SRD5A2: variants seen among roughly 807,000 people sequenced by gnomAD.
SRD5A2 encodes 3-oxo-5-alpha-steroid 4-dehydrogenase 2.
In SRD5A2, 30 loss-of-function variants were observed where a neutral mutation model predicts 27.4. The observed-to-expected ratio is 1.10, with a 90% CI of 0.82 to 1.49. The LOEUF (loss-of-function observed/expected upper bound fraction) is 1.49. Ranked by LOEUF, SRD5A2 falls within the 40% of genes most tolerant of loss-of-function variation. The probability of loss-of-function intolerance (pLI) is 0.00; values close to 1 mark genes in which losing one functional copy is unlikely to be tolerated. For synonymous variants in SRD5A2, 141 were observed against 133.6 expected (o/e 1.06, Z -0.38); for missense variants, 348 against 323.4 (o/e 1.08, Z -0.58).
chr2:31,635,166 C>T, the SRD5A2 span, among the ~76,000 whole-genome samples: 15 of 152,196 alleles, frequency 9.9e-5, no homozygotes, highest in African/African-American at 2.9e-4. Flanking sequence ...TATGAGGGTT[C>T]CCCTTTCCCC....
At chr2:31,620,902 C>T in the SRD5A2 span, among the ~76,000 whole-genome samples, 1 of 146,102 alleles carries the variant, frequency 6.8e-6, no homozygotes, top group Non-Finnish European at 1.5e-5. Context: ...ATTATATTTG[C>T]TATCTGACCC....
At chr2:31,651,935 T>G in the SRD5A2 span, 2 of 152,672 alleles carry the variant, frequency 1.3e-5, no homozygotes, top group East Asian at 1.9e-4. Flanking sequence ...ATCTAAAGTC[T>G]GCCCTAGCCA....
At chr2:31,618,366 A>G in the SRD5A2 span, among the ~76,000 whole-genome samples, 4 of 152,174 alleles carry the variant, frequency 2.6e-5, no homozygotes, top group South Asian at 8.3e-4. Context: ...TATGTTGAAG[A>G]GGTATCTGCA....
the SRD5A2 span, among the ~76,000 whole-genome samples, chr2:31,624,569 C>T: frequency 6.6e-6 from 1 of 152,020 alleles, no homozygotes; most frequent in Admixed American, 6.6e-5. Flanking sequence ...TAAGTGTTCT[C>T]ATTGTTCAAT....
intron 1 of SRD5A2, among the ~76,000 whole-genome samples, chr2:31,550,498 A>T (rs1666362106): frequency 6.6e-6 from 1 of 152,034 alleles, no homozygotes; most frequent in Admixed American, 6.5e-5. Context: ...ATGCAAAAAC[A>T]TTTAACAAAC....
chr2:31,531,529 C>A (rs1450624764), intron 2 of SRD5A2, 57 bp from the exon 3 acceptor site: 3 of 1,004,504 alleles, frequency 3.0e-6, no homozygotes, highest in South Asian at 3.0e-5. Flanking sequence ...GATTGTGGTG[C>A]TTTTTTCACA....
At chr2:31,529,520 C>T in intron 3 of SRD5A2, 63 bp from the exon 4 acceptor site, 1 of 1,573,434 alleles carries the variant, frequency 6.4e-7, no homozygotes, top group Non-Finnish European at 8.6e-7. Context: ...TTAAACCCAT[C>T]TGTGTTGTTC....
the SRD5A2 span, among the ~76,000 whole-genome samples, chr2:31,586,591 A>T: frequency 6.6e-6 from 1 of 152,222 alleles, no homozygotes; most frequent in African/African-American, 2.4e-5. Flanking sequence ...AAAGAAAATA[A>T]GAGTATCTGC....
chr2:31,594,463 T>C, the SRD5A2 span, among the ~76,000 whole-genome samples: 1 of 152,134 alleles, frequency 6.6e-6, no homozygotes, highest in Admixed American at 6.6e-5. Context: ...AAGAAGGATG[T>C]TATATAATGA....
the SRD5A2 span, among the ~76,000 whole-genome samples, chr2:31,638,519 G>A: frequency 2.0e-5 from 3 of 151,950 alleles, no homozygotes; most frequent in Non-Finnish European, 4.4e-5. Flanking sequence ...TAACAGTGGG[G>A]TGTTAAAGTC....
chr2:31,541,303 A>C (rs149112722), intron 1 of SRD5A2, among the ~76,000 whole-genome samples: 1 of 152,180 alleles, frequency 6.6e-6, no homozygotes, highest in African/African-American at 2.4e-5. Context: ...TCTGCATCCC[A>C]GAGTTACCAC....
chr2:31,607,358 A>G, the SRD5A2 span, among the ~76,000 whole-genome samples: 1 of 152,020 alleles, frequency 6.6e-6, no homozygotes, highest in African/African-American at 2.4e-5. Context: ...ATATTTAAAT[A>G]TGGAAGGGTG....
intron 1 of SRD5A2, among the ~76,000 whole-genome samples, chr2:31,568,677 C>A (rs1666787250): frequency 6.6e-6 from 1 of 152,212 alleles, no homozygotes; most frequent in South Asian, 2.1e-4. Context: ...CCGAGACCTG[C>A]CCCTTTCCAC....
chr2:31,636,001 T>C, the SRD5A2 span, among the ~76,000 whole-genome samples: 1 of 152,124 alleles, frequency 6.6e-6, no homozygotes, highest in Non-Finnish European at 1.5e-5. Flanking sequence ...TTGCTGTTTT[T>C]GCTCAGGACT....
At chr2:31,610,747 C>A in the SRD5A2 span, among the ~76,000 whole-genome samples, 5 of 152,064 alleles carry the variant, frequency 3.3e-5, no homozygotes, top group East Asian at 9.6e-4. Context: ...TCTAAAGATT[C>A]CCCCAAAAAC....
intron 3 of SRD5A2, 138 bp downstream of exon 3, chr2:31,531,233 G>T: frequency 3.3e-6 from 2 of 614,422 alleles, no homozygotes; most frequent in Non-Finnish European, 2.9e-6. Context: ...GACTGGGTTT[G>T]CAGGGGAAGT....
the SRD5A2 span, among the ~76,000 whole-genome samples, chr2:31,627,843 A>G: frequency 2.6e-5 from 4 of 152,086 alleles, no homozygotes; most frequent in Middle Eastern, 0.01. Flanking sequence ...TATGGTAAGT[A>G]TGATTTTTTT....
At chr2:31,526,390 C>T (rs763838701) in intron 4 of SRD5A2, 128 bp from the exon 5 acceptor site, 54 of 656,626 alleles carry the variant, frequency 8.2e-5, no homozygotes, top group Non-Finnish European at 1.4e-4. Context: ...TCGATGGTCA[C>T]TTATGATTCT....
chr2:31,539,906 A>G (rs1666096148), intron 1 of SRD5A2, among the ~76,000 whole-genome samples: 2 of 152,236 alleles, frequency 1.3e-5, no homozygotes, highest in African/African-American at 4.8e-5. Context: ...TCCAGGTTTC[A>G]ATGGAAAATA....
Sources: allele counts gnomAD v4.1 joint callset (sites outside exome capture counted in the v4.1 genomes callset), GRCh38; gene constraint gnomAD v4.1.1; transcripts MANE v1.5; gene names NCBI Gene and HGNC (gene_info 2026-07-23, HGNC 2026-07-21).